SAMMSON: variants seen among roughly 807,000 people sequenced by gnomAD.
The protein encoded by SAMMSON is survival associated mitochondrial melanoma specific oncogenic non-coding RNA.
intron 9 of SAMMSON, among the ~76,000 whole-genome samples, chr3:70,387,699 A>C (rs1700984432): frequency 6.6e-6 from 1 of 152,278 alleles, no homozygotes; most frequent in South Asian, 2.1e-4. Context: ...GAACTTCAAA[A>C]TAGCAATTGA....
At chr3:70,036,853 A>G (rs1434829235) in intron 3 of SAMMSON, among the ~76,000 whole-genome samples, 1 of 152,120 alleles carries the variant, frequency 6.6e-6, no homozygotes, top group Non-Finnish European at 1.5e-5. Context: ...AAATGATACA[A>G]TGACCATAAT....
At chr3:70,237,897 A>C (rs1701625693) in intron 4 of SAMMSON, among the ~76,000 whole-genome samples, 1 of 150,416 alleles carries the variant, frequency 6.6e-6, no homozygotes, top group African/African-American at 2.4e-5. Context: ...AGGAGGATGA[A>C]CTTACCAGGA....
chr3:70,087,178 A>G (rs1483444595), intron 4 of SAMMSON, among the ~76,000 whole-genome samples: 1 of 152,184 alleles, frequency 6.6e-6, no homozygotes, highest in Non-Finnish European at 1.5e-5. Flanking sequence ...AAATATTCAT[A>G]GTGGCCAATG....
At chr3:70,187,578 C>G (rs974888749) in intron 4 of SAMMSON, among the ~76,000 whole-genome samples, 2 of 151,654 alleles carry the variant, frequency 1.3e-5, no homozygotes, top group African/African-American at 4.8e-5. Context: ...GCTGGGACTA[C>G]AGGCACACGC....
At chr3:70,244,436 A>G (rs1314081779) in intron 4 of SAMMSON, among the ~76,000 whole-genome samples, 2 of 152,230 alleles carry the variant, frequency 1.3e-5, no homozygotes, top group African/African-American at 4.8e-5. Flanking sequence ...AATTAAAATA[A>G]CATGTAAAGG....
chr3:70,145,527 GA>G (rs1359303084), intron 4 of SAMMSON, among the ~76,000 whole-genome samples: 1 of 151,870 alleles, frequency 6.6e-6, no homozygotes, highest in Non-Finnish European at 1.5e-5. Flanking sequence ...TATAAAACCA[GA>G]AACCAATAAG....
intron 7 of SAMMSON, among the ~76,000 whole-genome samples, chr3:70,321,755 T>A (rs1249748400): frequency 6.6e-6 from 1 of 152,020 alleles, no homozygotes; most frequent in Non-Finnish European, 1.5e-5. Context: ...GTTTTTTTAG[T>A]ATTTGATTAC....
intron 4 of SAMMSON, among the ~76,000 whole-genome samples, chr3:70,213,240 T>C (rs1006677610): frequency 2.0e-5 from 3 of 152,110 alleles, no homozygotes; most frequent in African/African-American, 7.2e-5. Context: ...CCTGAGTAGA[T>C]CTTTTTATTC....
intron 9 of SAMMSON, among the ~76,000 whole-genome samples, chr3:70,377,140 A>T (rs988931381): frequency 2.6e-5 from 4 of 152,124 alleles, no homozygotes; most frequent in African/African-American, 9.6e-5. Context: ...GAAAGAGTGA[A>T]ATTTAAAAGG....
chr3:70,245,949 T>C (rs1468544235), intron 4 of SAMMSON, among the ~76,000 whole-genome samples: 1 of 151,564 alleles, frequency 6.6e-6, no homozygotes, highest in Non-Finnish European at 1.5e-5. Flanking sequence ...TCTTCCTGCC[T>C]GCTTTGTTCT....
chr3:70,370,160 CA>C (rs533978998), intron 9 of SAMMSON, among the ~76,000 whole-genome samples: 141 of 151,912 alleles, frequency 9.3e-4, no homozygotes, highest in African/African-American at 3.3e-3. Context: ...TTCTTATGGT[CA>C]AATAGTATTC....
At chr3:70,182,817 G>A (rs1004726990) in intron 4 of SAMMSON, among the ~76,000 whole-genome samples, 8 of 152,134 alleles carry the variant, frequency 5.3e-5, no homozygotes, top group African/African-American at 1.9e-4. Context: ...ACATTTAATA[G>A]TTAACTATTT....
chr3:70,015,797 A>G (rs2066981766), intron 3 of SAMMSON, among the ~76,000 whole-genome samples: 1 of 151,992 alleles, frequency 6.6e-6, no homozygotes, highest in African/African-American at 2.4e-5. Context: ...CCCACCTATG[A>G]GTGAGAACAT....
At position 70,213,525 on chromosome 3, in the gene SAMMSON, C is replaced by T. The variant is rs555826175; in HGVS notation, n.508-35582C>T. On this transcript the variant is annotated intron_variant and non_coding_transcript_variant, in intron 4 of 9. Coordinates refer to ENST00000642114, the Ensembl canonical transcript of SAMMSON. ...CTTAGAATTTAGTACTGTAGTTATC[C>T]GTGGCTGAAATCAGACCAAGGCAGA... Among the ~76,000 whole-genome samples the T allele has an allele frequency of 6.7e-4, 102 of 152,092 alleles. 1 individual carries two copies. In the South Asian group the frequency reaches 0.019, roughly 28 times the overall value.
chr3:70,181,242 T>C (rs897429407), intron 4 of SAMMSON, among the ~76,000 whole-genome samples: 4 of 152,206 alleles, frequency 2.6e-5, no homozygotes, highest in African/African-American at 9.6e-5. Context: ...TTCTCACTCT[T>C]GAAAGGCAAA....
intron 4 of SAMMSON, chr3:70,074,912 G>A (rs971218039): frequency 6.6e-6 from 1 of 152,034 alleles, no homozygotes; most frequent in Non-Finnish European, 1.5e-5. Flanking sequence ...TTCCAGTGTC[G>A]TCTATGGTGT....
chr3:70,005,929 A>T (rs986179333), intron 1 of SAMMSON, among the ~76,000 whole-genome samples: 3 of 152,198 alleles, frequency 2.0e-5, no homozygotes, highest in Non-Finnish European at 1.5e-5. Context: ...GGCCACCCCT[A>T]TAGAAACTTG....
At position 70,057,754 on chromosome 3, in the gene SAMMSON, G is replaced by T. The variant is rs550686067; in HGVS notation, n.418-13722G>T. On this transcript the variant is annotated intron_variant and non_coding_transcript_variant, in intron 3 of 9. Coordinates refer to ENST00000642114, the Ensembl canonical transcript of SAMMSON. ...TAAACTAACACTCATTCATATACAG[G>T]TCAGGAAGTATTGCAGAATGTTGGT... Among the ~76,000 whole-genome samples, 4 of 151,962 alleles carry T rather than the reference G, an allele frequency of 2.6e-5. No homozygotes were observed. The South Asian group carries it at 8.3e-4, about 32-fold the overall frequency.
In SAMMSON at chr3:70,100,293, C is replaced by T. The variant is rs182118669; in HGVS notation, n.507+28728C>T. The stretch of plus-strand genomic sequence containing the variant: ...CTCTGAGTAACTAGAACTACAGATA[C>T]GAGCCATAACATCCGGCTAATTTTT... On this transcript the variant is annotated intron_variant and non_coding_transcript_variant, in intron 4 of 9. Transcript: ENST00000642114. Among the ~76,000 whole-genome samples, 413 of 151,694 alleles carry T rather than the reference C, an allele frequency of 2.7e-3. 2 individuals are homozygous for T. The highest frequency in any genetic ancestry group is 0.017 in the Middle Eastern group (5 of 294).
Sources: allele counts gnomAD v4.1 joint callset (sites outside exome capture counted in the v4.1 genomes callset), GRCh38; gene constraint gnomAD v4.1.1; transcripts MANE v1.5; gene names NCBI Gene and HGNC (gene_info 2026-07-23, HGNC 2026-07-21).